ITGA4: variants seen among roughly 807,000 people sequenced by gnomAD.
ITGA4 encodes the protein integrin subunit alpha 4, also known as integrin alpha-4.
ITGA4 carries 63 observed loss-of-function variants against 133.6 expected under a neutral mutation model. That is an observed-to-expected ratio of 0.47 (90% CI 0.38 to 0.58). The LOEUF is 0.58. Ranked by LOEUF, ITGA4 falls within the 20% of genes least tolerant of loss-of-function variation. ITGA4 has a pLI of 0.00. For missense variants in ITGA4, 1,076 were observed against 1,252.7 expected (o/e 0.86, Z 2.13); for synonymous variants, 483 against 438.0 (o/e 1.10, Z -1.28).
intron 17 of ITGA4, among the ~76,000 whole-genome samples, chr2:181,515,060 C>G (rs1396523406): frequency 6.6e-6 from 1 of 152,000 alleles, no homozygotes; most frequent in Non-Finnish European, 1.5e-5. Context: ...TTCCTAGGCC[C>G]CAGACCATCC....
chr2:181,507,696 C>T (rs1293667965), intron 15 of ITGA4, among the ~76,000 whole-genome samples: 1 of 152,010 alleles, frequency 6.6e-6, no homozygotes, highest in East Asian at 1.9e-4. Context: ...TTACTTATAA[C>T]ATGTAATACA....
chr2:181,519,080 TGAAAG>T (rs1686667637), intron 17 of ITGA4, among the ~76,000 whole-genome samples: 2 of 151,946 alleles, frequency 1.3e-5, no homozygotes, highest in Non-Finnish European at 2.9e-5. Context: ...CATGGATAAT[TGAAAG>T]GATAAATAAG....
chr2:181,482,487 G>T, intron 8 of ITGA4, 27 bp from the exon 9 acceptor site: 1 of 1,613,492 alleles, frequency 6.2e-7, no homozygotes, highest in Admixed American at 1.7e-5. Context: ...TTTTCTCAAT[G>T]AGTGGATCTG....
chr2:181,498,989 C>A, intron 15 of ITGA4: 2 of 548,192 alleles, frequency 3.6e-6, no homozygotes, highest in Non-Finnish European at 4.6e-6. Context: ...TCACATTTAT[C>A]ACATTTGACC....
At chr2:181,474,840 G>T in intron 2 of ITGA4, 120 bp from the exon 3 acceptor site, 1 of 669,196 alleles carries the variant, frequency 1.5e-6, no homozygotes. Flanking sequence ...CTCACATTGT[G>T]CACTGAATAT....
chr2:181,474,050 G>T (rs770279766), intron 2 of ITGA4, among the ~76,000 whole-genome samples: 11 of 152,136 alleles, frequency 7.2e-5, no homozygotes, highest in Non-Finnish European at 1.5e-4. Context: ...AGATGCAATA[G>T]AATTGTCATA....
At chr2:181,489,233 G>A (rs1436272642) in intron 10 of ITGA4, among the ~76,000 whole-genome samples, 1 of 152,078 alleles carries the variant, frequency 6.6e-6, no homozygotes, top group East Asian at 1.9e-4. Flanking sequence ...GCAAACCTAA[G>A]TTATCTTGGC....
At chr2:181,508,586 C>A (rs2105755065) in intron 15 of ITGA4, among the ~76,000 whole-genome samples, 1 of 151,986 alleles carries the variant, frequency 6.6e-6, no homozygotes, top group South Asian at 2.1e-4. Context: ...ATTCCAGCTA[C>A]TCGGGAGACT....
chr2:181,495,637 T>G lies in ITGA4; in HGVS notation c.1386-146T>G, dbSNP rs953470949. 2 of 721,322 alleles carry G rather than the reference T, an allele frequency of 2.8e-6. No homozygotes were observed. The highest frequency in any genetic ancestry group is 3.8e-5 in the South Asian group (2 of 53,096). The allele number at this position is 721,322 out of a possible 1,614,324, so 44.7% of individuals were successfully genotyped here. ...ATTTAAATAAAAAGTTATTTTGCCC[T>G]GTGCACAGAAATGTAATTAGTATGT... On this transcript the variant is annotated intron_variant, in intron 13 of 27. Coordinates refer to ENST00000397033, the MANE Select transcript of ITGA4 (RefSeq NM_000885.6). The surrounding 1 kb of genome is among the most constrained non-coding windows in gnomAD (Gnocchi z 4.3).
intron 22 of ITGA4, among the ~76,000 whole-genome samples, chr2:181,528,104 T>C (rs1686871063): frequency 6.6e-6 from 1 of 152,224 alleles, no homozygotes; most frequent in Non-Finnish European, 1.5e-5. Flanking sequence ...TGAGTAAATC[T>C]TGGATTAGGT....
chr2:181,500,511 C>A (rs142763711), intron 15 of ITGA4, among the ~76,000 whole-genome samples: 1 of 152,162 alleles, frequency 6.6e-6, no homozygotes, highest in Admixed American at 6.5e-5. Context: ...AAAGAAGACG[C>A]ATAGCGGTTG....
chr2:181,534,954 C>A lies in ITGA4; in HGVS notation c.3003+19C>A. On this transcript the variant is annotated intron_variant, in intron 27 of 27. Coordinates refer to ENST00000397033, the MANE Select transcript of ITGA4 (RefSeq NM_000885.6). ...GTGGAAGGTAAGCATTTAACAATTA[C>A]CAACATTAGTCTACTAAAAATGACA... 1 of 1,545,152 alleles carries A rather than the reference C, an allele frequency of 6.5e-7. No individual in the cohort carries two copies. The highest frequency in any genetic ancestry group is 8.7e-7 in the Non-Finnish European group (1 of 1,151,440).
chr2:181,457,508 C>T lies in ITGA4; in HGVS notation c.-147C>T, dbSNP rs1349759815. The stretch of plus-strand genomic sequence containing the variant: ...CCGCGGTGGGCCGACTTCCCCTCCT[C>T]TTCCCTCTCTCCTTCCTTTAGCCCG... On this transcript the variant is annotated 5_prime_UTR_variant, in exon 1 of 28. Coordinates refer to ENST00000397033, the MANE Select transcript of ITGA4 (RefSeq NM_000885.6). 37 of 745,142 alleles carry T rather than the reference C, an allele frequency of 5.0e-5. 1 individual carries two copies. The East Asian group carries it at 1.1e-3, about 22-fold the overall frequency. 46.2% of individuals were successfully genotyped at this position (745,142 alleles called of 1,614,324 possible). A position where few individuals can be genotyped will look rare whatever the true frequency, so the allele number is the denominator to read the frequency against.
rs1007724755 is a variant in ITGA4, at chr2:181,457,503, C to T, written c.-152C>T. The T allele has an allele frequency of 5.6e-6, 4 of 712,378 alleles. No individual in the cohort carries two copies. The highest frequency in any genetic ancestry group is 4.4e-6 in the Non-Finnish European group (2 of 450,726). The allele number at this position is 712,378 out of a possible 1,614,324, so 44.1% of individuals were successfully genotyped here. On this transcript the variant is annotated 5_prime_UTR_variant, in exon 1 of 28. Transcript: ENST00000397033. Reference sequence around the variant, plus strand: ...TCCGCCCGCGGTGGGCCGACTTCCCCTCCTCTTCCCTCTCTCCTTCCTTTA... The same window carrying T: ...TCCGCCCGCGGTGGGCCGACTTCCCTTCCTCTTCCCTCTCTCCTTCCTTTA...
chr2:181,534,434 A>C, intron 26 of ITGA4, 64 bp downstream of exon 26: 1 of 979,536 alleles, frequency 1.0e-6, no homozygotes, highest in Non-Finnish European at 1.6e-6. Flanking sequence ...GGGTGTCTAT[A>C]ATTACTTCCT....
intron 2 of ITGA4, among the ~76,000 whole-genome samples, chr2:181,465,784 G>A (rs1685396750): frequency 1.3e-5 from 2 of 152,116 alleles, no homozygotes; most frequent in Admixed American, 6.6e-5. Context: ...TCAGATGGTG[G>A]TTGATAGTGT....
In ITGA4 at chr2:181,487,008, G is replaced by T. The variant is rs1378883394; in HGVS notation, c.1153+1016G>T. Among the ~76,000 whole-genome samples, 4 of 152,172 alleles carry T rather than the reference G, an allele frequency of 2.6e-5. No homozygotes were observed. The East Asian group carries it at 5.8e-4, about 22-fold the overall frequency. On this transcript the variant is annotated intron_variant, in intron 10 of 27. Coordinates refer to ENST00000397033, the MANE Select transcript of ITGA4 (RefSeq NM_000885.6). ...TAAAATGCATTATTCTACATAAAAA[G>T]TCAGTTATTGAATACATGCTTCCAG... is the stretch of plus-strand genomic sequence containing the variant.
At chr2:181,531,962 T>C (rs1686954725) in intron 25 of ITGA4, among the ~76,000 whole-genome samples, 186 bp downstream of exon 25, 1 of 152,214 alleles carries the variant, frequency 6.6e-6, no homozygotes. Flanking sequence ...GAAATGGCTT[T>C]AGAAATTAAC....
intron 4 of ITGA4, among the ~76,000 whole-genome samples, chr2:181,478,223 T>A (rs1488144826): frequency 6.6e-6 from 1 of 151,956 alleles, no homozygotes; most frequent in African/African-American, 2.4e-5. Flanking sequence ...AATAGGAAGA[T>A]GTTGGTGAAA....
Sources: allele counts gnomAD v4.1 joint callset (sites outside exome capture counted in the v4.1 genomes callset), GRCh38; gene constraint gnomAD v4.1.1; non-coding constraint Gnocchi (gnomAD v3.1); transcripts MANE v1.5; gene names NCBI Gene and HGNC (gene_info 2026-07-23, HGNC 2026-07-21).